The following CEP72 variants were observed in gnomAD, a reference collection of about 807,000 sequenced individuals.
The protein encoded by CEP72 is centrosomal protein of 72 kDa.
A neutral mutation model predicts 65.7 loss-of-function variants in CEP72; 78 were observed. The ratio of observed to expected loss-of-function variants is 1.19; its 90% CI spans 0.99 to 1.43. The LOEUF (loss-of-function observed/expected upper bound fraction) is 1.43, where lower values mean the gene tolerates loss of function less well. Ranked by LOEUF, CEP72 falls within the 40% of genes most tolerant of loss-of-function variation. The pLI is 0.00. For synonymous variants in CEP72, 358 were observed against 351.7 expected (o/e 1.02, Z -0.20); for missense variants, 914 against 832.9 (o/e 1.10, Z -1.20).
At chr5:641,082 C>G (rs1190992297) in intron 9 of CEP72, 7 of 985,352 alleles carry the variant, frequency 7.1e-6, no homozygotes, top group Non-Finnish European at 8.4e-6. Context: ...TATTGGGCCT[C>G]AGGCTCAGCT....
intron 9 of CEP72, chr5:641,258 G>A (rs531136988): frequency 2.9e-5 from 29 of 985,330 alleles, no homozygotes; most frequent in Non-Finnish European, 3.4e-5. Context: ...GCCTCCCCAC[G>A]GGCTGCTGGC....
intron 2 of CEP72, chr5:664,834 C>T (rs1357227201): frequency 1.0e-5 from 5 of 485,052 alleles, no homozygotes; most frequent in East Asian, 3.5e-5. Flanking sequence ...TGGTGTGATC[C>T]GCGAGACACT....
chr5:612,352 C>G lies in CEP72; in HGVS notation c.-10C>G. On this transcript the variant is annotated 5_prime_UTR_variant, in exon 1 of 12. Transcript: ENST00000264935. Reference sequence around the variant, plus strand: ...CCGCGCAGGCGCCGTCCGAGGGCTCCGTTTGAAACATGGCGCGGGCTGGCC... The same window carrying G: ...CCGCGCAGGCGCCGTCCGAGGGCTCGGTTTGAAACATGGCGCGGGCTGGCC... The G allele has an allele frequency of 6.7e-7, 1 of 1,486,780 alleles. No individual in the cohort carries two copies. The highest frequency in any genetic ancestry group is 8.9e-7 in the Non-Finnish European group (1 of 1,123,712). The allele number at this position is 1,486,780 out of a possible 1,614,324, so 92.1% of individuals were successfully genotyped here. A position where few individuals can be genotyped will look rare whatever the true frequency, so the allele number is the denominator to read the frequency against.
At chr5:625,831 C>T (rs1039325494) in intron 4 of CEP72, among the ~76,000 whole-genome samples, 2 of 152,162 alleles carry the variant, frequency 1.3e-5, no homozygotes, top group Non-Finnish European at 1.5e-5. Flanking sequence ...TCTCACAGGC[C>T]GTCTTCCCCT....
intron 6 of CEP72, 101 bp downstream of exon 6, chr5:635,685 A>G (rs1737544688): frequency 1.0e-6 from 1 of 1,000,444 alleles, no homozygotes; most frequent in Non-Finnish European, 1.5e-6. Flanking sequence ...ATGGTTCTGG[A>G]GGCTGGGAAG....
At chr5:658,957 C>T (rs1044455532), downstream of CEP72, among the ~76,000 whole-genome samples, 4 of 152,154 alleles carry the variant, frequency 2.6e-5, no homozygotes, top group East Asian at 1.9e-4. Flanking sequence ...TGTGAGCCAC[C>T]GCGCCCGGCC....
intron 7 of CEP72, among the ~76,000 whole-genome samples, chr5:638,485 G>C (rs1476297594): frequency 6.6e-6 from 1 of 152,040 alleles, no homozygotes; most frequent in East Asian, 1.9e-4. Flanking sequence ...TGCAGGCAGA[G>C]GAGCTTGAAG....
chr5:625,194 C>G (rs1439136342), intron 4 of CEP72, among the ~76,000 whole-genome samples: 1 of 152,200 alleles, frequency 6.6e-6, no homozygotes, highest in Non-Finnish European at 1.5e-5. Flanking sequence ...TCCCAAAACC[C>G]TAGAGAGACT....
chr5:669,511 T>C (rs921911815), downstream of CEP72, among the ~76,000 whole-genome samples: 1 of 152,072 alleles, frequency 6.6e-6, no homozygotes, highest in African/African-American at 2.4e-5. Context: ...TCCTGGGCCG[T>C]CAAAGGCTCT....
intron 11 of CEP72, among the ~76,000 whole-genome samples, chr5:651,854 A>C (rs1580044832): frequency 1.3e-4 from 11 of 87,820 alleles, no homozygotes; most frequent in East Asian, 2.8e-4. Context: ...CTTTCCCCCG[A>C]CCTCCCATTC....
At chr5:670,991 G>T (rs1032469118), downstream of CEP72, among the ~76,000 whole-genome samples, 1 of 152,194 alleles carries the variant, frequency 6.6e-6, no homozygotes. Context: ...ACTGGGCCAC[G>T]GCAGCTCAGG....
chr5:612,570 C>T, intron 1 of CEP72, 127 bp downstream of exon 1: 1 of 1,233,170 alleles, frequency 8.1e-7, no homozygotes, highest in Non-Finnish European at 1.0e-6. Context: ...GCGTCCGGAA[C>T]GGTCGCGGGC....
intron 1 of CEP72, among the ~76,000 whole-genome samples, chr5:613,379 T>G (rs1389313239): frequency 1.3e-5 from 2 of 148,482 alleles, no homozygotes; most frequent in Non-Finnish European, 3.0e-5. Context: ...TCTGAGCGGT[T>G]TTTTTTTTTT....
At chr5:643,629 C>G (rs1738211591) in intron 9 of CEP72, 4 of 985,358 alleles carry the variant, frequency 4.1e-6, no homozygotes, top group Non-Finnish European at 3.6e-6. Context: ...CACCCCCGGC[C>G]CCAGGATGTG....
downstream of CEP72, among the ~76,000 whole-genome samples, chr5:671,157 G>A (rs1246529621): frequency 4.6e-5 from 7 of 152,324 alleles, no homozygotes; most frequent in East Asian, 3.9e-4. Flanking sequence ...GGGGCCGCCT[G>A]GGATCAGCGC....
At chr5:649,796 T>G (rs1250805517) in intron 11 of CEP72, among the ~76,000 whole-genome samples, 1 of 45,832 alleles carries the variant, frequency 2.2e-5, no homozygotes, top group Non-Finnish European at 3.9e-5. Flanking sequence ...GACTGAGGTG[T>G]GACTGTGAGG....
At chr5:621,368 C>T (rs894282849) in intron 3 of CEP72, among the ~76,000 whole-genome samples, 5 of 152,226 alleles carry the variant, frequency 3.3e-5, no homozygotes, top group South Asian at 2.1e-4. Context: ...CTGTTTTCCA[C>T]GGCTGTGGGG....
intron 4 of CEP72, among the ~76,000 whole-genome samples, chr5:625,382 C>G (rs1579946376): frequency 6.6e-6 from 1 of 152,168 alleles, no homozygotes; most frequent in South Asian, 2.1e-4. Flanking sequence ...ACTCCTAGTG[C>G]AGGGATCAGT....
Position 653,325 on chromosome 5 carries a change from C to A in CEP72, c.*172C>A. ...CCTGTAGCTTGGTTTTCTAAAGCAC[C>A]TCGTAAAATGATATGATTACTCCAA... On this transcript the variant is annotated 3_prime_UTR_variant, in exon 12 of 12. Transcript: ENST00000264935. 1.8e-6 allele frequency: 1 copy of A among 562,910 alleles called. No homozygotes were observed. Among genetic ancestry groups the A allele is most frequent in the Non-Finnish European group, 3.0e-6 (1 of 336,560 alleles). The allele number at this position is 562,910 out of a possible 1,614,324, so 34.9% of individuals were successfully genotyped here. A position where few individuals can be genotyped will look rare whatever the true frequency, so the allele number is the denominator to read the frequency against.
Sources: allele counts gnomAD v4.1 joint callset (sites outside exome capture counted in the v4.1 genomes callset), GRCh38; gene constraint gnomAD v4.1.1; transcripts MANE v1.5; gene names NCBI Gene and HGNC (gene_info 2026-07-23, HGNC 2026-07-21).